The following TGIF2 variants were observed in gnomAD, a reference collection of about 807,000 sequenced individuals.
TGIF2 encodes the protein TGFB induced factor homeobox 2.
Under a neutral mutation model 15.1 loss-of-function variants are expected in TGIF2, and 5 were observed. The ratio of observed to expected loss-of-function variants is 0.33; its 90% CI spans 0.17 to 0.70. TGIF2 has a LOEUF of 0.70. Among genes scored for constraint, TGIF2 ranks in the 30% least tolerant of loss-of-function variants. TGIF2 has a pLI of 0.67. For missense variants in TGIF2, 264 were observed against 302.5 expected (o/e 0.87, Z 0.94); for synonymous variants, 131 against 128.9 (o/e 1.02, Z -0.11).
rs1429383447 is a variant in TGIF2 at position 36,593,085 on chromosome 20, A to G, written c.*1654A>G. On this transcript the variant is annotated 3_prime_UTR_variant, in exon 3 of 3. Coordinates refer to ENST00000373872, the MANE Select transcript of TGIF2 (RefSeq NM_021809.7). The stretch of plus-strand genomic sequence containing the variant: ...CCTCTTTTGCTGTTTCATTGCTGAC[A>G]GTGTTCAACAATATGCCCCATCTTT... 6.6e-6 allele frequency: 1 copy of G among 152,538 alleles called. No individual in the cohort carries two copies. Among genetic ancestry groups the G allele is most frequent in the Admixed American group, 6.5e-5 (1 of 15,268 alleles). 9.4% of individuals were successfully genotyped at this position (152,538 alleles called of 1,614,324 possible). A position where few individuals can be genotyped will look rare whatever the true frequency, so the allele number is the denominator to read the frequency against.
At chr20:36,580,806 A>G (rs936151505) in intron 2 of TGIF2, among the ~76,000 whole-genome samples, 7 of 98,544 alleles carry the variant, frequency 7.1e-5, no homozygotes, top group Non-Finnish European at 1.3e-4. Context: ...GGAGTGAGAC[A>G]TTGTCTCAAA....
intron 2 of TGIF2, among the ~76,000 whole-genome samples, chr20:36,580,017 C>G (rs2038511769): frequency 6.6e-6 from 1 of 152,180 alleles, no homozygotes; most frequent in Non-Finnish European, 1.5e-5. Context: ...TTGCCTCTCC[C>G]CTTCCTGGAG....
At chr20:36,576,713 G>A (rs1011527528) in intron 1 of TGIF2, among the ~76,000 whole-genome samples, 5 of 151,960 alleles carry the variant, frequency 3.3e-5, no homozygotes, top group South Asian at 2.1e-4. Context: ...ACTTTTTTGC[G>A]GGGGGATAGG....
Position 36,578,955 on chromosome 20 carries a change from T to C in TGIF2, c.181T>C (p.Ser61Pro). The C allele has an allele frequency of 6.2e-7, 1 of 1,613,718 alleles. No individual in the cohort carries two copies. The highest frequency in any genetic ancestry group is 8.5e-7 in the Non-Finnish European group (1 of 1,179,834). The change falls in exon 2 of 3, where the codon TCA becomes CCA. Residue 61 changes from serine (S) to proline (P), a missense_variant. Ser to Pro is a moderately conservative substitution (Grantham distance 74). Transcript: ENST00000373872. ...GAGCCTTTCTGGACAGACCAACCTG[T>C]CAGTGCTGCAAGTAAGGAGGGGATC... ...KLSLSGQTNL[S>P]VLQICNWFIN...
chr20:36,586,703 C>CG (rs1555926543), intron 2 of TGIF2, among the ~76,000 whole-genome samples: 1 of 131,886 alleles, frequency 7.6e-6, no homozygotes, highest in Non-Finnish European at 1.6e-5. Context: ...TCCCCCCCCC[C>CG]AAAAAAAAAA....
chr20:36,586,699 C>T lies in TGIF2; in HGVS notation c.193-4211C>T, dbSNP rs558087100. 1.3e-4 allele frequency among the ~76,000 whole-genome samples: 19 copies of T among 146,442 alleles called. 1 individual carries two copies. Among genetic ancestry groups the T allele is most frequent in the East Asian group, 1.2e-3 (6 of 4,940 alleles). ...AAAGAAGTGAGACTCCATTTCCCCC[C>T]CCCCAAAAAAAAAAATCTCCCCTAA... On this transcript the variant is annotated intron_variant, in intron 2 of 2. Coordinates refer to ENST00000373872, the MANE Select transcript of TGIF2 (RefSeq NM_021809.7).
chr20:36,584,236 A>G (rs934145494), intron 2 of TGIF2, among the ~76,000 whole-genome samples: 2 of 152,144 alleles, frequency 1.3e-5, no homozygotes, highest in East Asian at 3.8e-4. Context: ...TCCCTAAAGG[A>G]GCTGTATGCT....
intron 2 of TGIF2, among the ~76,000 whole-genome samples, chr20:36,589,231 G>A (rs1392674152): frequency 6.6e-6 from 1 of 152,116 alleles, no homozygotes; most frequent in Non-Finnish European, 1.5e-5. Flanking sequence ...CAGTCTCCAT[G>A]ACTAGGTGCA....
intron 2 of TGIF2, among the ~76,000 whole-genome samples, chr20:36,590,493 C>T (rs1313745456): frequency 6.6e-6 from 1 of 152,194 alleles, no homozygotes; most frequent in African/African-American, 2.4e-5. Context: ...TTAACTCTGT[C>T]TTCCCACTAT....
At position 36,590,960 on chromosome 20, in the gene TGIF2, T is replaced by G. The variant is rs1213569709; in HGVS notation, c.243T>G (p.Leu81=). 2 of 1,533,914 alleles carry G rather than the reference T, an allele frequency of 1.3e-6. No individual in the cohort carries two copies. The highest frequency in any genetic ancestry group is 1.8e-4 in the Middle Eastern group (1 of 5,686). Residue 81 remains leucine (L), a synonymous_variant, in exon 3 of 3, where the codon CTT becomes CTG. Coordinates refer to ENST00000373872, the MANE Select transcript of TGIF2 (RefSeq NM_021809.7). The part of the protein sequence containing the change: ...NARRRLLPDM[L]RKDGKDPNQF... Reference sequence around the variant, plus strand: ...GGCGGCGGCTTCTCCCAGACATGCTTCGGAAGGATGGCAAAGACCCTAATC... The same window carrying G: ...GGCGGCGGCTTCTCCCAGACATGCTGCGGAAGGATGGCAAAGACCCTAATC...
intron 2 of TGIF2, among the ~76,000 whole-genome samples, chr20:36,587,952 C>A (rs571172929): frequency 1.3e-5 from 2 of 151,988 alleles, no homozygotes; most frequent in Non-Finnish European, 2.9e-5. Flanking sequence ...TGTCTGTGGT[C>A]CCAGCTACTC....
chr20:36,578,636 C>A lies in TGIF2; in HGVS notation c.-34-105C>A, dbSNP rs1265429039. ...GCCTGAGATTCTGAATTGCAACTAC[C>A]CCATTTCTGGTGTCCCAGGCTCAAG... On this transcript the variant is annotated intron_variant, in intron 1 of 2. Coordinates refer to ENST00000373872, the MANE Select transcript of TGIF2 (RefSeq NM_021809.7). 3 of 1,267,984 alleles carry A rather than the reference C, an allele frequency of 2.4e-6. No homozygotes were observed. The Admixed American group carries it at 8.0e-5, about 34-fold the overall frequency. 78.5% of individuals were successfully genotyped at this position (1,267,984 alleles called of 1,614,324 possible).
chr20:36,576,079 G>A (rs924350969), intron 1 of TGIF2, among the ~76,000 whole-genome samples: 23 of 150,760 alleles, frequency 1.5e-4, no homozygotes, highest in African/African-American at 4.1e-4. Context: ...GCTACAGAGC[G>A]AGACTCCATC....
At position 36,591,533 on chromosome 20, in the gene TGIF2, T is replaced by C. The variant is rs1233287638; in HGVS notation, c.*102T>C. 12 of 1,312,384 alleles carry C rather than the reference T, an allele frequency of 9.1e-6. No individual in the cohort carries two copies. In the South Asian group the frequency reaches 1.3e-4, roughly 14 times the overall value. 81.3% of individuals were successfully genotyped at this position (1,312,384 alleles called of 1,614,324 possible). A position where few individuals can be genotyped will look rare whatever the true frequency, so the allele number is the denominator to read the frequency against. Reference sequence around the variant, plus strand: ...GTTTTCTATGGATCACTGCCAAACATTGGGATCATCTCCTCTGTCCAGAGG... The same window carrying C: ...GTTTTCTATGGATCACTGCCAAACACTGGGATCATCTCCTCTGTCCAGAGG... On this transcript the variant is annotated 3_prime_UTR_variant, in exon 3 of 3. Transcript: ENST00000373872. The surrounding 1 kb of genome is among the most constrained non-coding windows in gnomAD (Gnocchi z 5.3).
At chr20:36,577,884 T>C (rs2038464624) in intron 1 of TGIF2, among the ~76,000 whole-genome samples, 1 of 152,138 alleles carries the variant, frequency 6.6e-6, no homozygotes, top group African/African-American at 2.4e-5. Context: ...CACAGTTCAC[T>C]ACAGCCTTGA....
chr20:36,582,609 G>A lies in TGIF2; in HGVS notation c.192+3643G>A, dbSNP rs145032252. 3.3e-5 allele frequency among the ~76,000 whole-genome samples: 5 copies of A among 152,334 alleles called. No homozygotes were observed. In the East Asian group the frequency reaches 7.7e-4, roughly 24 times the overall value. Reference sequence around the variant, plus strand: ...AAACCCAAAGCCAAACATCCTTCTAGAGAACTGGCGAACCCCTCAAGGTGA... The same window carrying A: ...AAACCCAAAGCCAAACATCCTTCTAAAGAACTGGCGAACCCCTCAAGGTGA... On this transcript the variant is annotated intron_variant, in intron 2 of 2. Coordinates refer to ENST00000373872, the MANE Select transcript of TGIF2 (RefSeq NM_021809.7).
intron 1 of TGIF2, among the ~76,000 whole-genome samples, chr20:36,574,349 G>C (rs1326480997): frequency 6.6e-6 from 1 of 151,496 alleles, no homozygotes; most frequent in Non-Finnish European, 1.5e-5. Flanking sequence ...CGGGACCCTC[G>C]GGCAGGCCGA....
chr20:36,578,806 G>T lies in TGIF2; in HGVS notation c.32G>T (p.Gly11Val), dbSNP rs1233918306. MSDSDLGEDE[G>V]LLSLAGKRKR... Reference sequence around the variant, plus strand: ...GACAGTGATCTAGGTGAGGACGAAGGCCTCCTCTCCCTGGCGGGCAAAAGG... The same window carrying T: ...GACAGTGATCTAGGTGAGGACGAAGTCCTCCTCTCCCTGGCGGGCAAAAGG... Residue 11 changes from glycine to valine, a missense_variant, in exon 2 of 3, where the codon GGC becomes GTC. Gly to Val is a moderately radical substitution (Grantham distance 109). Transcript: ENST00000373872. The T allele has an allele frequency of 3.1e-6, 5 of 1,614,002 alleles. No individual in the cohort carries two copies. The Admixed American group carries it at 5.0e-5, about 16-fold the overall frequency.
intron 2 of TGIF2, among the ~76,000 whole-genome samples, chr20:36,583,999 A>G (rs529476): frequency 0.93 from 141,702 of 152,244 alleles, 66,178 homozygotes; most frequent in African/African-American, 0.98. Flanking sequence ...CTCGGGAGGC[A>G]GAGGTTGTAG....
Sources: gnomAD v4.1 joint callset for allele counts (sites outside exome capture counted in the v4.1 genomes callset) on GRCh38, gnomAD v4.1.1 for gene constraint, Gnocchi (gnomAD v3.1) non-coding constraint, MANE v1.5 for transcripts, NCBI Gene and HGNC (gene_info 2026-07-23, HGNC 2026-07-21) for gene names.